Variants in HYDIN observed in about 807,000 individuals in gnomAD.
HYDIN encodes HYDIN axonemal central pair apparatus protein.
In HYDIN, 132 loss-of-function variants were observed where a neutral mutation model predicts 403.9. The observed-to-expected ratio is 0.33, with a 90% CI of 0.28 to 0.38. HYDIN has a LOEUF of 0.38. Ranked by LOEUF, HYDIN falls within the 10% of genes least tolerant of loss-of-function variation. HYDIN has a pLI of 1.00. For missense variants in HYDIN, 2,827 were observed against 5,009.5 expected (o/e 0.56, Z 13.15); for synonymous variants, 1,202 against 1,891.7 (o/e 0.64, Z 9.46).
chr16:71,022,540 T>A (rs1307095852), intron 21 of HYDIN, among the ~76,000 whole-genome samples: 1 of 152,128 alleles, frequency 6.6e-6, no homozygotes, highest in Admixed American at 6.5e-5. Flanking sequence ...TCAGATCCAC[T>A]GCCCTTGAGC....
At chr16:71,082,327 G>C (rs2082809162) in intron 12 of HYDIN, among the ~76,000 whole-genome samples, 1 of 152,058 alleles carries the variant, frequency 6.6e-6, no homozygotes, top group South Asian at 2.1e-4. Context: ...ATTATTGTTA[G>C]TGGTTTGAAA....
chr16:70,928,537 A>T (rs2077223806), intron 45 of HYDIN, among the ~76,000 whole-genome samples: 1 of 150,168 alleles, frequency 6.7e-6, no homozygotes, highest in Non-Finnish European at 1.5e-5. Flanking sequence ...AGACTCTTGC[A>T]TCTTCAACAG....
chr16:71,225,559 G>T (rs903389226), intron 1 of HYDIN, among the ~76,000 whole-genome samples: 5 of 152,116 alleles, frequency 3.3e-5, no homozygotes, highest in Non-Finnish European at 7.3e-5. Context: ...ACAGTTTGGG[G>T]CACTCCCTTG....
chr16:70,874,903 T>G lies in HYDIN; in HGVS notation c.10574A>C (p.Gln3525Pro). Residue 3525 changes from glutamine (Q) to proline (P), a missense_variant, in exon 63 of 86, where the codon CAG (glutamine) becomes CCG (proline). Gln to Pro is a moderately conservative substitution (Grantham distance 76). Transcript: ENST00000393567. ...CAGGGAGAAGACTCCTAGCTCATCC[T>G]GCAGGTCAACATGCAGCTGGCAGAA... The part of the protein sequence containing the change: ...VLPAQLHVDL[Q>P]DELGVFSLKG... 1 of 1,606,088 alleles carries G rather than the reference T, an allele frequency of 6.2e-7. No individual in the cohort carries two copies. Among genetic ancestry groups the G allele is most frequent in the African/African-American group, 1.3e-5 (1 of 74,756 alleles).
At chr16:71,104,100 A>G (rs1422811046) in intron 10 of HYDIN, among the ~76,000 whole-genome samples, 2 of 151,804 alleles carry the variant, frequency 1.3e-5, no homozygotes, top group Non-Finnish European at 2.9e-5. Context: ...ACCTTGTACT[A>G]GTTAACTACA....
intron 13 of HYDIN, among the ~76,000 whole-genome samples, chr16:71,075,551 T>C (rs1284584390): frequency 3.9e-5 from 6 of 152,170 alleles, no homozygotes; most frequent in Admixed American, 3.9e-4. Context: ...TGTCATTGTT[T>C]TGAGGATGAA....
chr16:71,208,943 C>T (rs2088439460), intron 1 of HYDIN, among the ~76,000 whole-genome samples: 1 of 152,098 alleles, frequency 6.6e-6, no homozygotes, highest in African/African-American at 2.4e-5. Context: ...CAGACAGATT[C>T]ACAGCCAAAT....
At chr16:71,118,179 C>A (rs2084116480) in intron 9 of HYDIN, among the ~76,000 whole-genome samples, 1 of 152,078 alleles carries the variant, frequency 6.6e-6, no homozygotes, top group Non-Finnish European at 1.5e-5. Context: ...AGTCACGGCC[C>A]ACACCTTTCT....
chr16:70,872,110 A>T lies in HYDIN; in HGVS notation c.11018T>A (p.Val3673Asp). The change falls in exon 65 of 86, where the codon GTC (valine) becomes GAC (aspartate). Residue 3673 changes from valine to aspartate, a missense_variant. By Grantham distance (152) the Val-to-Asp change is radical. Transcript: ENST00000393567. ...IGHSYNASFT[V>D]TNHSQVNLIR... is the part of the protein sequence containing the mutation. Reference sequence around the variant, plus strand: ...CAAGTTCACTTGGCTGTGATTTGTGACTGTGAAGCTCGCATTATAGCTGTG... The same window carrying T: ...CAAGTTCACTTGGCTGTGATTTGTGTCTGTGAAGCTCGCATTATAGCTGTG... 1 of 1,576,952 alleles carries T rather than the reference A, an allele frequency of 6.3e-7. No homozygotes were observed. The highest frequency in any genetic ancestry group is 8.6e-7 in the Non-Finnish European group (1 of 1,159,350).
chr16:70,947,037 C>A (rs1171338953), intron 41 of HYDIN, among the ~76,000 whole-genome samples: 2 of 151,012 alleles, frequency 1.3e-5, no homozygotes, highest in African/African-American at 2.4e-5. Flanking sequence ...TTATTTCCTT[C>A]TCCTGCCTAA....
chr16:70,932,609 C>T (rs7204968), intron 45 of HYDIN, among the ~76,000 whole-genome samples: 3,895 of 147,622 alleles, frequency 0.026, no homozygotes, highest in African/African-American at 0.097. Context: ...TGTTGGTTTT[C>T]GTTTGTTTGT....
intron 75 of HYDIN, among the ~76,000 whole-genome samples, chr16:70,840,511 T>C (rs2037743398): frequency 6.6e-6 from 1 of 152,168 alleles, no homozygotes; most frequent in Non-Finnish European, 1.5e-5. Context: ...CTACCCAATA[T>C]CCGCTCCCCA....
chr16:70,840,338 C>G (rs71401835), intron 75 of HYDIN, 105 bp from the exon 76 acceptor site: 34,375 of 967,462 alleles, frequency 0.036, 823 homozygotes, highest in East Asian at 0.066. Context: ...TTAACAAATA[C>G]AGGTCTCAGG....
chr16:70,964,647 C>T, intron 37 of HYDIN, 81 bp downstream of exon 37: 1 of 921,024 alleles, frequency 1.1e-6, no homozygotes, highest in Non-Finnish European at 1.7e-6. Flanking sequence ...TACTCAGAAA[C>T]AGGTTGGTCC....
chr16:71,051,976 C>A (rs1477752203), intron 18 of HYDIN, among the ~76,000 whole-genome samples: 1 of 152,070 alleles, frequency 6.6e-6, no homozygotes, highest in African/African-American at 2.4e-5. Context: ...GGAGAGATGA[C>A]AAAGGAAGTG....
intron 17 of HYDIN, among the ~76,000 whole-genome samples, chr16:71,061,861 A>AGTGTGTGTGTGTGTGTGTGTGT (rs66689823): frequency 3.5e-5 from 5 of 144,022 alleles, no homozygotes; most frequent in African/African-American, 1.3e-4. Context: ...CATGTGTGAC[A>AGTGTGTGTGTGTGTGTGTGTGT]GTGTGTGTGT....
intron 83 of HYDIN, among the ~76,000 whole-genome samples, chr16:70,825,142 A>G (rs1253558252): frequency 1.3e-5 from 2 of 152,210 alleles, no homozygotes; most frequent in Non-Finnish European, 2.9e-5. Flanking sequence ...CTAGATTGAC[A>G]ATCATTCTCA....
chr16:71,004,750 G>A (rs999105149), intron 23 of HYDIN, among the ~76,000 whole-genome samples: 6 of 152,084 alleles, frequency 3.9e-5, no homozygotes, highest in Non-Finnish European at 2.9e-5. Context: ...AATAAGTTGG[G>A]TAATATTGTC....
In HYDIN at chr16:70,863,102, G is replaced by T. The variant is rs561761630; in HGVS notation, c.11552C>A (p.Ala3851Glu). 6.2e-7 allele frequency: 1 copy of T among 1,613,994 alleles called. No homozygotes were observed. The highest frequency in any genetic ancestry group is 1.3e-5 in the African/African-American group (1 of 75,052). ...GAATTTACCTTGGTGATCTGGTTTT[G>T]CAAAGCTGACTGCCTTTGAGGTATC... ...SEDTSKAVSF[A>E]KPDHQGSAQK... is the part of the protein sequence containing the mutation. The change falls in exon 68 of 86, where the codon GCA becomes GAA. Residue 3851 changes from alanine to glutamate, a missense_variant. Physicochemically the swap from Ala to Glu is moderately radical, Grantham distance 107. Coordinates refer to ENST00000393567, the MANE Select transcript of HYDIN (RefSeq NM_001270974.2).
Sources: allele counts gnomAD v4.1 joint callset (sites outside exome capture counted in the v4.1 genomes callset), GRCh38; gene constraint gnomAD v4.1.1; transcripts MANE v1.5; gene names NCBI Gene and HGNC (gene_info 2026-07-23, HGNC 2026-07-21).